Variants in AUTS2 observed in about 807,000 individuals in gnomAD.
AUTS2 encodes the protein autism susceptibility gene 2 protein.
A neutral mutation model predicts 112.4 loss-of-function variants in AUTS2; 17 were observed. That is an observed-to-expected ratio of 0.15 (90% CI 0.10 to 0.23). The LOEUF (loss-of-function observed/expected upper bound fraction) is 0.23. Among genes scored for constraint, AUTS2 ranks in the 10% least tolerant of loss-of-function variants. The pLI, the probability that AUTS2 is intolerant of heterozygous loss-of-function variation, is 1.00. For missense variants in AUTS2, 1,510 were observed against 1,701.6 expected, an observed-to-expected ratio of 0.89 and a Z score of 1.98; for synonymous variants, 751 against 702.7, an observed-to-expected ratio of 1.07 and a Z score of -1.09.
intron 4 of AUTS2, among the ~76,000 whole-genome samples, chr7:70,245,178 A>AAAAAT (rs1362424552): frequency 6.8e-6 from 1 of 146,272 alleles, no homozygotes; most frequent in African/African-American, 2.5e-5. Context: ...ATAAAAAATA[A>AAAAAT]AAAATAAACA....
At chr7:70,350,015 G>A (rs767810935) in intron 4 of AUTS2, among the ~76,000 whole-genome samples, 2 of 152,188 alleles carry the variant, frequency 1.3e-5, no homozygotes, top group African/African-American at 2.4e-5. Flanking sequence ...CAACAGGAGA[G>A]GCTGGATTAG....
chr7:70,120,621 A>G (rs1351090020), intron 3 of AUTS2, among the ~76,000 whole-genome samples: 1 of 152,132 alleles, frequency 6.6e-6, no homozygotes, highest in Non-Finnish European at 1.5e-5. Context: ...AGTGTAGAGA[A>G]ATGAACGCCA....
intron 1 of AUTS2, among the ~76,000 whole-genome samples, chr7:69,768,349 C>T (rs1055600921): frequency 6.6e-6 from 1 of 152,160 alleles, no homozygotes; most frequent in Non-Finnish European, 1.5e-5. Context: ...TACATAAACT[C>T]ATTTAATTTT....
chr7:70,655,766 G>A lies in AUTS2; in HGVS notation c.691-42803G>A, dbSNP rs146693422. ...ATCAGGGTTCTACTGGAAGACAAGA[G>A]AAAGGGATGGCTACTGGGGGAGCAG... On this transcript the variant is annotated intron_variant, in intron 5 of 18. Transcript: ENST00000342771. 4.1e-3 allele frequency among the ~76,000 whole-genome samples: 620 copies of A among 152,314 alleles called. 10 individuals carry two copies. Among genetic ancestry groups the A allele is most frequent in the African/African-American group, 0.014 (577 of 41,562 alleles).
At chr7:69,727,482 T>C (rs1173054205) in intron 1 of AUTS2, among the ~76,000 whole-genome samples, 1 of 152,016 alleles carries the variant, frequency 6.6e-6, no homozygotes, top group Non-Finnish European at 1.5e-5. Context: ...CCCAGCTACA[T>C]GGGAGGCCGA....
Position 70,736,749 on chromosome 7 carries a change from C to T in AUTS2, c.743-26121C>T, listed in dbSNP as rs147482323. On this transcript the variant is annotated intron_variant, in intron 6 of 18. Coordinates refer to ENST00000342771, the MANE Select transcript of AUTS2 (RefSeq NM_015570.4). ...ACAGTGCTGTTCACTGCATTCCTAA[C>T]GCCGGCTTATCAGAGTTTTGTTTTC... is the stretch of plus-strand genomic sequence containing the variant. 1.6e-4 allele frequency among the ~76,000 whole-genome samples: 24 copies of T among 152,294 alleles called. No individual in the cohort carries two copies. The East Asian group carries it at 2.3e-3, about 15-fold the overall frequency.
At chr7:70,390,911 G>T (rs541602334) in intron 4 of AUTS2, among the ~76,000 whole-genome samples, 19 of 152,304 alleles carry the variant, frequency 1.2e-4, no homozygotes, top group African/African-American at 3.6e-4. Context: ...ACTTCAAGGA[G>T]CCTGGGCCTT....
Position 70,645,975 on chromosome 7 carries a change from G to A in AUTS2, c.691-52594G>A, listed in dbSNP as rs114244771. ...TCTTTGGCCGTTAACAGAGGCATCC[G>A]TGCGTCTAACCCATTTCACACCACC... On this transcript the variant is annotated intron_variant, in intron 5 of 18. Coordinates refer to ENST00000342771, the MANE Select transcript of AUTS2 (RefSeq NM_015570.4). Among the ~76,000 whole-genome samples the A allele has an allele frequency of 4.3e-3, 651 of 152,198 alleles. 7 individuals are homozygous for A. The highest frequency in any genetic ancestry group is 0.015 in the African/African-American group (621 of 41,532).
chr7:70,781,878 A>AGCTT (rs1408004150), intron 15 of AUTS2, 122 bp downstream of exon 15: 1 of 1,308,792 alleles, frequency 7.6e-7, no homozygotes, highest in Non-Finnish European at 1.0e-6. Flanking sequence ...AGTTAATGCC[A>AGCTT]GCTTGCAAGG....
At chr7:70,597,698 T>G (rs1803274528) in intron 5 of AUTS2, among the ~76,000 whole-genome samples, 1 of 152,216 alleles carries the variant, frequency 6.6e-6, no homozygotes, top group African/African-American at 2.4e-5. Context: ...TTACTTATAT[T>G]TTTGGTGTAG....
At chr7:69,882,367 A>G (rs1206731421) in intron 1 of AUTS2, among the ~76,000 whole-genome samples, 1 of 152,068 alleles carries the variant, frequency 6.6e-6, no homozygotes, top group Non-Finnish European at 1.5e-5. Flanking sequence ...AGGCCAAGTA[A>G]TACAGCCATC....
intron 2 of AUTS2, among the ~76,000 whole-genome samples, chr7:70,034,665 G>A (rs1800922331): frequency 6.6e-6 from 1 of 152,082 alleles, no homozygotes; most frequent in Non-Finnish European, 1.5e-5. Flanking sequence ...TGTATTTATT[G>A]ACAGTTTGGT....
intron 1 of AUTS2, among the ~76,000 whole-genome samples, chr7:69,782,999 T>G (rs920783229): frequency 1.3e-5 from 2 of 151,640 alleles, no homozygotes; most frequent in African/African-American, 4.8e-5. Context: ...AAATCCATGG[T>G]CCACATGCTG....
chr7:70,606,089 T>C (rs569078411), intron 5 of AUTS2, among the ~76,000 whole-genome samples: 1 of 152,356 alleles, frequency 6.6e-6, no homozygotes, highest in South Asian at 2.1e-4. Context: ...CCCCAGCACC[T>C]CGACTCTGAT....
intron 2 of AUTS2, among the ~76,000 whole-genome samples, chr7:69,914,342 G>GACAC (rs372734634): frequency 2.3e-5 from 2 of 85,596 alleles, no homozygotes; most frequent in African/African-American, 5.1e-5. Flanking sequence ...CACAGACACA[G>GACAC]ACACACACAC....
chr7:69,760,437 C>A (rs933752864), intron 1 of AUTS2, among the ~76,000 whole-genome samples: 1 of 151,736 alleles, frequency 6.6e-6, no homozygotes, highest in African/African-American at 2.4e-5. Context: ...TATATTTAAC[C>A]TCTTTATTTA....
chr7:69,780,774 T>C (rs1451167626), intron 1 of AUTS2, among the ~76,000 whole-genome samples: 1 of 152,216 alleles, frequency 6.6e-6, no homozygotes. Flanking sequence ...GACTCATTAG[T>C]GGCTGTTATG....
At chr7:69,770,716 A>T (rs1295092441) in intron 1 of AUTS2, among the ~76,000 whole-genome samples, 2 of 152,190 alleles carry the variant, frequency 1.3e-5, no homozygotes, top group Non-Finnish European at 2.9e-5. Flanking sequence ...CTACTAGAGG[A>T]CAACAGAAGG....
chr7:70,345,510 A>G (rs1444627278), intron 4 of AUTS2, among the ~76,000 whole-genome samples: 1 of 152,182 alleles, frequency 6.6e-6, no homozygotes, highest in East Asian at 1.9e-4. Flanking sequence ...GTAGCTTCTC[A>G]CCACCATGCC....
Sources: allele counts gnomAD v4.1 joint callset (sites outside exome capture counted in the v4.1 genomes callset), GRCh38; gene constraint gnomAD v4.1.1; transcripts MANE v1.5; gene names NCBI Gene and HGNC (gene_info 2026-07-23, HGNC 2026-07-21).